The following EVC variants were observed in gnomAD, a reference collection of about 807,000 sequenced individuals.
EVC encodes EvC ciliary complex subunit 1, also known as evC complex member EVC.
In EVC, 116 loss-of-function variants were observed where a neutral mutation model predicts 118.9. That is an observed-to-expected ratio of 0.98 (90% CI 0.84 to 1.14). The LOEUF (loss-of-function observed/expected upper bound fraction) is 1.14, where lower values mean the gene tolerates loss of function less well. Among genes scored for constraint, EVC ranks in the 50% most tolerant of loss-of-function variants. EVC has a pLI of 0.00. For synonymous variants in EVC, 619 were observed against 534.7 expected (o/e 1.16, Z -2.18); for missense variants, 1,401 against 1,246.4 (o/e 1.12, Z -1.87).
chr4:5,778,776 C>T (rs1316869272), intron 11 of EVC, among the ~76,000 whole-genome samples: 2 of 152,200 alleles, frequency 1.3e-5, no homozygotes, highest in Non-Finnish European at 2.9e-5. Flanking sequence ...AAAATGTTCT[C>T]CCATTTTGTG....
At position 5,798,852 on chromosome 4, in the gene EVC, A is replaced by C. The variant is rs73077517; in HGVS notation, c.2304+60A>C. On this transcript the variant is annotated intron_variant, in intron 15 of 20. Coordinates refer to ENST00000264956, the MANE Select transcript of EVC (RefSeq NM_153717.3). The surrounding 1 kb of genome is among the most constrained non-coding windows in gnomAD (Gnocchi z 4.1). Reference sequence around the variant, plus strand: ...GGCAAGAATGTTCAGGGTAGGGTCCATGCCTGGGTCTGCTCCTTGCCACAC... The same window carrying C: ...GGCAAGAATGTTCAGGGTAGGGTCCCTGCCTGGGTCTGCTCCTTGCCACAC... The C allele has an allele frequency of 6.8e-4, 1,056 of 1,548,492 alleles. 8 individuals carry two copies. In the African/African-American group the frequency reaches 0.011, roughly 16 times the overall value.
intron 2 of EVC, among the ~76,000 whole-genome samples, chr4:5,726,728 C>T (rs1318158540): frequency 1.6e-5 from 2 of 123,078 alleles, no homozygotes; most frequent in African/African-American, 3.0e-5. Context: ...CCCCTCCCCC[C>T]ACCCGACAAC....
Position 5,811,112 on chromosome 4 carries a change from T to A in EVC, c.*75T>A. On this transcript the variant is annotated 3_prime_UTR_variant, in exon 21 of 21. Transcript: ENST00000264956. ...AATTCCACCTTCCCTCCTGCAGTGC[T>A]GAGAGGCAGCGAGGACGGAGAGGAC... 8.1e-7 allele frequency: 1 copy of A among 1,229,544 alleles called. No individual in the cohort carries two copies. Among genetic ancestry groups the A allele is most frequent in the African/African-American group, 1.5e-5 (1 of 66,872 alleles). 76.2% of individuals were successfully genotyped at this position (1,229,544 alleles called of 1,614,324 possible).
At chr4:5,825,878 T>G in the EVC span, 7 of 511,866 alleles carry the variant, frequency 1.4e-5, no homozygotes, top group African/African-American at 6.1e-5. The surrounding 1 kb of genome is among the most constrained non-coding windows in gnomAD (Gnocchi z 4.4). Flanking sequence ...CACATCTACA[T>G]ACCCACATGC....
At chr4:5,713,508 C>A (rs1338678386) in intron 1 of EVC, among the ~76,000 whole-genome samples, 1 of 151,798 alleles carries the variant, frequency 6.6e-6, no homozygotes, top group East Asian at 1.9e-4. Context: ...TGAAACCCTG[C>A]CTCTACTAAA....
intron 17 of EVC, among the ~76,000 whole-genome samples, chr4:5,805,322 G>A (rs1715687144): frequency 6.6e-6 from 1 of 152,200 alleles, no homozygotes; most frequent in South Asian, 2.1e-4. Context: ...TAGACTGCCT[G>A]TCCCACAGTG....
At chr4:5,787,348 G>C (rs575817915) in intron 12 of EVC, among the ~76,000 whole-genome samples, 1 of 152,182 alleles carries the variant, frequency 6.6e-6, no homozygotes, top group South Asian at 2.1e-4. Flanking sequence ...GCAAAGGATC[G>C]TGAGATGGGG....
chr4:5,774,512 C>G (rs1016934264), intron 11 of EVC, among the ~76,000 whole-genome samples: 1 of 152,008 alleles, frequency 6.6e-6, no homozygotes, highest in Non-Finnish European at 1.5e-5. Context: ...ACAGATAAGA[C>G]TGAGCCTTGA....
intron 14 of EVC, 128 bp downstream of exon 14, chr4:5,797,360 C>A: frequency 2.5e-6 from 2 of 795,910 alleles, no homozygotes; most frequent in Non-Finnish European, 4.2e-6. Context: ...GGTATTCATT[C>A]GCCGGGGCTG....
At position 5,756,642 on chromosome 4, in the gene EVC, C is replaced by A. The variant is rs564434705; in HGVS notation, c.1563+280C>A. Among the ~76,000 whole-genome samples the A allele has an allele frequency of 6.6e-6, 1 of 152,178 alleles. No homozygotes were observed. The highest frequency in any genetic ancestry group is 1.5e-5 in the Non-Finnish European group (1 of 68,036). On this transcript the variant is annotated intron_variant, in intron 11 of 20. Transcript: ENST00000264956. The surrounding 1 kb of genome is among the most constrained non-coding windows in gnomAD (Gnocchi z 4.2). ...CTGTCAGCAAAGCTCTTTGGAAATC[C>A]GTTCTCCCCAGGTGAGAAATAGGCC...
intron 12 of EVC, 135 bp from the exon 13 acceptor site, chr4:5,793,473 G>A: frequency 6.3e-6 from 5 of 793,826 alleles, no homozygotes; most frequent in Admixed American, 2.0e-5. Context: ...AAGAGAAAAT[G>A]TTAATGAAAT....
At chr4:5,775,345 T>C (rs1442334348) in intron 11 of EVC, among the ~76,000 whole-genome samples, 1 of 152,132 alleles carries the variant, frequency 6.6e-6, no homozygotes, top group African/African-American at 2.4e-5. Context: ...AGAAAGAGAA[T>C]GTAGCTGGGA....
At chr4:5,741,676 T>C (rs751646388) in intron 5 of EVC, 40 bp from the exon 6 acceptor site, 2 of 1,249,160 alleles carry the variant, frequency 1.6e-6, no homozygotes, top group Non-Finnish European at 2.3e-6. Context: ...ATACCATTGA[T>C]TAAACTTTTC....
intron 4 of EVC, among the ~76,000 whole-genome samples, chr4:5,732,758 C>G (rs1727023858): frequency 6.6e-6 from 1 of 152,196 alleles, no homozygotes; most frequent in African/African-American, 2.4e-5. Context: ...TGCCTGTAAT[C>G]CCAACATTTG....
intron 13 of EVC, among the ~76,000 whole-genome samples, chr4:5,796,283 T>C (rs565971577): frequency 6.6e-6 from 1 of 152,326 alleles, no homozygotes; most frequent in East Asian, 1.9e-4. Context: ...GTGGGCATGT[T>C]TCTATTGTCT....
At chr4:5,781,145 C>T (rs1373515889) in intron 11 of EVC, among the ~76,000 whole-genome samples, 3 of 152,248 alleles carry the variant, frequency 2.0e-5, no homozygotes, top group Middle Eastern at 3.4e-3. Context: ...GTTCAGAGTG[C>T]CTTGCCAGAA....
At position 5,784,373 on chromosome 4, in the gene EVC, T is replaced by C. The variant is rs547128489; in HGVS notation, c.1776+609T>C. On this transcript the variant is annotated intron_variant, in intron 12 of 20. Coordinates refer to ENST00000264956, the MANE Select transcript of EVC (RefSeq NM_153717.3). Reference sequence around the variant, plus strand: ...TAAGCAGAGGTCGGAATGGTGTGGCTGTGAGTCTAGGAACTCTGGCTGGTT... The same window carrying C: ...TAAGCAGAGGTCGGAATGGTGTGGCCGTGAGTCTAGGAACTCTGGCTGGTT... Among the ~76,000 whole-genome samples, 92 of 152,242 alleles carry C rather than the reference T, an allele frequency of 6.0e-4. 1 individual carries two copies. The highest frequency in any genetic ancestry group is 4.9e-3 in the Admixed American group (75 of 15,296).
chr4:5,766,241 T>C (rs1045366680), intron 11 of EVC, among the ~76,000 whole-genome samples: 2 of 151,868 alleles, frequency 1.3e-5, no homozygotes, highest in East Asian at 1.9e-4. Context: ...CCCCACTCTC[T>C]TCTGGCTTGT....
intron 11 of EVC, among the ~76,000 whole-genome samples, chr4:5,759,849 C>T (rs570611731): frequency 9.2e-5 from 14 of 152,288 alleles, no homozygotes; most frequent in African/African-American, 2.6e-4. Context: ...CGCGTCCTGA[C>T]GACACGCGCC....
Sources: gnomAD v4.1 joint callset for allele counts (sites outside exome capture counted in the v4.1 genomes callset) on GRCh38, gnomAD v4.1.1 for gene constraint, Gnocchi (gnomAD v3.1) non-coding constraint, MANE v1.5 for transcripts, NCBI Gene and HGNC (gene_info 2026-07-23, HGNC 2026-07-21) for gene names.